The following ERBB2 variants were observed in gnomAD, a reference collection of about 807,000 sequenced individuals.
The protein encoded by ERBB2 is erb-b2 receptor tyrosine kinase 2.
In ERBB2, 61 loss-of-function variants were observed where a neutral mutation model predicts 149.0. That is an observed-to-expected ratio of 0.41 (90% confidence interval 0.33 to 0.51). The LOEUF (loss-of-function observed/expected upper bound fraction) is 0.51, where lower values mean the gene tolerates loss of function less well. ERBB2 is among the 20% of genes least tolerant of loss of function. ERBB2 has a pLI of 0.25. For synonymous variants in ERBB2, 633 were observed against 678.8 expected (o/e 0.93, Z 1.05); for missense variants, 1,205 against 1,655.1 (o/e 0.73, Z 4.72).
rs2145631515 is a variant in ERBB2, at chr17:39,715,317, C to T, written c.1180C>T (p.Pro394Ser). 1 of 1,614,060 alleles carries T rather than the reference C, an allele frequency of 6.2e-7. No individual in the cohort carries two copies. The highest frequency in any genetic ancestry group is 8.5e-7 in the Non-Finnish European group (1 of 1,179,944). ...DPASNTAPLQ[P>S]EQLQVFETLE... ...AGCCTCCAACACTGCCCCGCTCCAG[C>T]CAGAGCAGCTCCAAGTGTTTGAGAC... is the stretch of plus-strand genomic sequence containing the variant. Residue 394 changes from proline to serine, a missense_variant, in exon 10 of 27, where the codon CCA becomes TCA. By Grantham distance (74) the Pro-to-Ser change is moderately conservative (BLOSUM62 -1). This residue lies in a region of ERBB2 where 569 missense variants were observed against 803.5 expected (regional missense o/e 0.71). Transcript: ENST00000269571.
In ERBB2 at chr17:39,705,491, G is replaced by A. The variant is rs552419804; in HGVS notation, c.74-1499G>A. On this transcript the variant is annotated intron_variant, in intron 1 of 26. Coordinates refer to ENST00000269571, the MANE Select transcript of ERBB2 (RefSeq NM_004448.4). ...GTGGGGAAGAGGAGGGGGTGCAAGT[G>A]GGTGAGGCATGGAGTGGGGAGGCCT... 5.0e-4 allele frequency among the ~76,000 whole-genome samples: 76 copies of A among 152,296 alleles called. 1 individual carries two copies. Among genetic ancestry groups the A allele is most frequent in the African/African-American group, 1.7e-3 (69 of 41,566 alleles).
At chr17:39,720,115 T>G (rs1022313059) in intron 16 of ERBB2, 9 of 455,654 alleles carry the variant, frequency 2.0e-5, no homozygotes, top group African/African-American at 1.6e-4. Context: ...TTCAATTCCT[T>G]GGAAGTCAAG....
At chr17:39,694,267 A>ATGTG (rs1245908795), upstream of ERBB2, among the ~76,000 whole-genome samples, 7 of 25,612 alleles carry the variant, frequency 2.7e-4, no homozygotes, top group East Asian at 1.4e-3. Flanking sequence ...ATATATATAT[A>ATGTG]TGTGTGTATA....
At position 39,723,730 on chromosome 17, in the gene ERBB2, G is replaced by C; in HGVS notation, c.2208+70G>C. 6.4e-7 allele frequency: 1 copy of C among 1,558,236 alleles called. No individual in the cohort carries two copies. The highest frequency in any genetic ancestry group is 8.7e-7 in the Non-Finnish European group (1 of 1,149,986). ...GGTGCCTGGAGGGGTGTGGTCGGCA[G>C]TTCTGATGGGAGGGGCAAGAGCTGG... On this transcript the variant is annotated intron_variant, in intron 18 of 26. Coordinates refer to ENST00000269571, the MANE Select transcript of ERBB2 (RefSeq NM_004448.4). This position sits in a 1 kb window ranked among gnomAD's most constrained non-coding sequence, Gnocchi z 6.2.
At chr17:39,716,941 G>T in intron 14 of ERBB2, 1 of 469,502 alleles carries the variant, frequency 2.1e-6, no homozygotes, top group Non-Finnish European at 3.9e-6. Flanking sequence ...CCTAAAATGG[G>T]TATTGTAATA....
chr17:39,724,998 G>A (rs778052899), intron 20 of ERBB2, 51 bp from the exon 21 acceptor site: 2 of 1,610,048 alleles, frequency 1.2e-6, no homozygotes, highest in South Asian at 2.2e-5. Flanking sequence ...CTGGGCATGT[G>A]GCCAGGCCCA....
intron 16 of ERBB2, 47 bp downstream of exon 16, chr17:39,719,881 C>G: frequency 6.3e-7 from 1 of 1,583,756 alleles, no homozygotes; most frequent in Non-Finnish European, 8.7e-7. Context: ...TTCACTCCCC[C>G]ACTGGATGCT....
upstream of ERBB2, among the ~76,000 whole-genome samples, chr17:39,692,832 G>T (rs148433544): frequency 4.5e-4 from 68 of 152,198 alleles, no homozygotes; most frequent in African/African-American, 1.6e-3. Flanking sequence ...GGCCGAGGCC[G>T]GCGGCAGATC....
In ERBB2 at chr17:39,727,917, GC is replaced by G; in HGVS notation, c.3644del (p.Pro1215GlnfsTer87). The G allele has an allele frequency of 6.2e-7, 1 of 1,614,150 alleles. No individual in the cohort carries two copies. The highest frequency in any genetic ancestry group is 8.5e-7 in the Non-Finnish European group (1 of 1,180,016). On this transcript the variant is annotated frameshift_variant, in exon 27 of 27. Transcript: ENST00000269571. LOFTEE classifies it high-confidence loss of function. The surrounding 1 kb of genome is among the most constrained non-coding windows in gnomAD (Gnocchi z 4.3). ...CAGCCCCACCCTCCTCCTGCCTTCA[GC>G]CCAGCCTTCGACAACCTCTATTACT... is the stretch of plus-strand genomic sequence containing the variant. ...APQPHPPPAFSPAFDNLYYWD... is the reference protein window; with the variant it reads ...APQPHPPPAFXPAFDNLYYWD...
Position 39,710,173 on chromosome 17 carries a change from G to A in ERBB2, c.731G>A (p.Cys244Tyr), listed in dbSNP as rs1443426897. 1 of 1,612,790 alleles carries A rather than the reference G, an allele frequency of 6.2e-7. No homozygotes were observed. Among genetic ancestry groups the A allele is most frequent in the Admixed American group, 1.7e-5 (1 of 60,024 alleles). ...DCCHEQCAAG[C>Y]TGPKHSDCLA... The stretch of plus-strand genomic sequence containing the variant: ...TGCCATGAGCAGTGTGCTGCCGGCT[G>A]CACGGGCCCCAAGCACTCTGACTGC... The change falls in exon 6 of 27, where the codon TGC (cysteine) becomes TAC (tyrosine). Residue 244 changes from cysteine (C) to tyrosine (Y), a missense_variant. Coordinates refer to ENST00000269571, the MANE Select transcript of ERBB2 (RefSeq NM_004448.4).
upstream of ERBB2, among the ~76,000 whole-genome samples, chr17:39,697,046 T>C (rs2057878653): frequency 6.6e-6 from 1 of 152,136 alleles, no homozygotes; most frequent in South Asian, 2.1e-4. Context: ...GGCTGGATGA[T>C]GGGGTGAGAG....
intron 19 of ERBB2, 61 bp from the exon 20 acceptor site, chr17:39,724,665 G>T (rs2145843727): frequency 2.0e-6 from 3 of 1,474,746 alleles, no homozygotes; most frequent in African/African-American, 1.4e-5. Flanking sequence ...TGGTTGGGAG[G>T]CTGTGTGGTG....
upstream of ERBB2, among the ~76,000 whole-genome samples, chr17:39,690,016 A>G (rs1013995270): frequency 6.6e-6 from 1 of 152,144 alleles, no homozygotes; most frequent in African/African-American, 2.4e-5. Flanking sequence ...ATAAATAACT[A>G]TACATATATA....
rs2143262571 is a variant in ERBB2, at chr17:39,727,553, G to A, written c.3412+6G>A. On this transcript the variant is annotated splice_donor_region_variant and intron_variant, in intron 26 of 26. Coordinates refer to ENST00000269571, the MANE Select transcript of ERBB2 (RefSeq NM_004448.4). This position sits in a 1 kb window ranked among gnomAD's most constrained non-coding sequence, Gnocchi z 4.3. ...GACCTGCAGCCCCCAGCCTGGTATGGAGTCCAGTCTAAGCAGAGAGACTGA... is the reference window on the plus strand; with the variant it reads ...GACCTGCAGCCCCCAGCCTGGTATGAAGTCCAGTCTAAGCAGAGAGACTGA... The A allele has an allele frequency of 1.3e-6, 2 of 1,598,038 alleles. No homozygotes were observed. Among genetic ancestry groups the A allele is most frequent in the African/African-American group, 2.7e-5 (2 of 73,702 alleles).
chr17:39,688,562 C>T (rs2057615067), intron 1 of ERBB2: 1 of 152,418 alleles, frequency 6.6e-6, no homozygotes, highest in Non-Finnish European at 1.5e-5. Flanking sequence ...TCTCCACAAA[C>T]CCTGCCTGAT....
intron 9 of ERBB2, among the ~76,000 whole-genome samples, chr17:39,715,042 A>G (rs2059038273): frequency 6.6e-6 from 1 of 152,214 alleles, no homozygotes; most frequent in Non-Finnish European, 1.5e-5. Flanking sequence ...TGCTGGGATT[A>G]CAGGCGTGAG....
At chr17:39,698,685 G>A (rs1378591712), upstream of ERBB2, among the ~76,000 whole-genome samples, 3 of 152,208 alleles carry the variant, frequency 2.0e-5, no homozygotes, top group Non-Finnish European at 4.4e-5. Flanking sequence ...ATGGAAGCAA[G>A]TTTAGAAATG....
At position 39,726,875 on chromosome 17, in the gene ERBB2, G is replaced by A. The variant is rs2143173826; in HGVS notation, c.3031G>A (p.Asp1011Asn). 6.2e-7 allele frequency: 1 copy of A among 1,614,054 alleles called. No individual in the cohort carries two copies. The highest frequency in any genetic ancestry group is 8.5e-7 in the Non-Finnish European group (1 of 1,179,958). The change falls in exon 25 of 27, where the codon GAC becomes AAC. Residue 1011 changes from aspartate (D) to asparagine (N), a missense_variant. This residue lies in a region of ERBB2 where 312 missense variants were observed against 343.8 expected (regional missense o/e 0.91). Transcript: ENST00000269571. This position sits in a 1 kb window ranked among gnomAD's most constrained non-coding sequence, Gnocchi z 5.1. Reference protein sequence around the residue: ...DSTFYRSLLEDDDMGDLVDAE... With the variant: ...DSTFYRSLLENDDMGDLVDAE... Reference sequence around the variant, plus strand: ...CACCTTCTACCGCTCACTGCTGGAGGACGATGACATGGGGGACCTGGTGGA... The same window carrying A: ...CACCTTCTACCGCTCACTGCTGGAGAACGATGACATGGGGGACCTGGTGGA...
upstream of ERBB2, among the ~76,000 whole-genome samples, chr17:39,694,219 AAAAAAAAATATATATATATATAT>A (rs2057784706): frequency 2.4e-5 from 1 of 41,280 alleles, no homozygotes; most frequent in African/African-American, 1.3e-4. Context: ...AAAAAAAAAA[AAAAAAAAATATATATATATATAT>A]ATATATATAT....
Sources: allele counts gnomAD v4.1 joint callset (sites outside exome capture counted in the v4.1 genomes callset), GRCh38; gene constraint gnomAD v4.1.1; regional missense constraint gnomAD v4.1.1; non-coding constraint Gnocchi (gnomAD v3.1); transcripts MANE v1.5; gene names NCBI Gene and HGNC (gene_info 2026-07-23, HGNC 2026-07-21).